Variants in SLCO1A2 observed in about 807,000 individuals in gnomAD.
SLCO1A2 encodes the protein solute carrier organic anion transporter family member 1A2.
A neutral mutation model predicts 69.0 loss-of-function variants in SLCO1A2; 67 were observed. The ratio of observed to expected loss-of-function variants is 0.97; its 90% CI spans 0.80 to 1.19. The LOEUF (loss-of-function observed/expected upper bound fraction) is 1.19, where lower values mean the gene tolerates loss of function less well. Among genes scored for constraint, SLCO1A2 ranks in the 50% most tolerant of loss-of-function variants. The pLI is 0.00. For missense variants in SLCO1A2, 787 were observed against 793.7 expected, an observed-to-expected ratio of 0.99 and a Z score of 0.10; for synonymous variants, 260 against 265.9, an observed-to-expected ratio of 0.98 and a Z score of 0.22.
Position 21,311,068 on chromosome 12 carries a change from T to C in SLCO1A2, c.335+3481A>G, listed in dbSNP as rs185282598. Among the ~76,000 whole-genome samples the C allele has an allele frequency of 5.3e-5, 8 of 152,324 alleles. No individual in the cohort carries two copies. The East Asian group carries it at 1.5e-3, about 29-fold the overall frequency. ...TCACAGGCTCTTCATCAGTAGTAGATTCCATCACAGGAAGCCACATTATTT... is the reference window on the plus strand; with the variant it reads ...TCACAGGCTCTTCATCAGTAGTAGACTCCATCACAGGAAGCCACATTATTT... On this transcript the variant is annotated intron_variant, in intron 4 of 14. Coordinates refer to ENST00000683939, the MANE Select transcript of SLCO1A2 (RefSeq NM_001386879.1).
At chr12:21,417,778 G>A (rs988277574) in intron 1 of SLCO1A2, 3 of 151,978 alleles carry the variant, frequency 2.0e-5, no homozygotes, top group African/African-American at 7.3e-5. Context: ...TTGGGAGAAT[G>A]GTCAAAACAC....
chr12:21,301,327 C>T, intron 6 of SLCO1A2, 58 bp from the exon 7 acceptor site: 2 of 1,151,818 alleles, frequency 1.7e-6, no homozygotes, highest in Non-Finnish European at 2.4e-6. Flanking sequence ...ATAAAGAGTT[C>T]TAGGTCTATG....
intron 2 of SLCO1A2, among the ~76,000 whole-genome samples, chr12:21,331,695 C>A (rs541219093): frequency 2.6e-5 from 4 of 151,800 alleles, no homozygotes; most frequent in South Asian, 4.1e-4. Context: ...TACCATCTTA[C>A]AGGCAGGAAA....
At chr12:21,277,465 C>T (rs543945855) in intron 12 of SLCO1A2, among the ~76,000 whole-genome samples, 1 of 149,340 alleles carries the variant, frequency 6.7e-6, no homozygotes, top group South Asian at 2.1e-4. Flanking sequence ...TCAGCACATT[C>T]AGAGCTGTGG....
intron 2 of SLCO1A2, among the ~76,000 whole-genome samples, chr12:21,323,037 T>C (rs1951836777): frequency 6.6e-6 from 1 of 152,138 alleles, no homozygotes; most frequent in Non-Finnish European, 1.5e-5. Context: ...AAAAGACTTA[T>C]AGCAAATTAA....
chr12:21,369,723 T>C (rs1939648764), intron 2 of SLCO1A2, among the ~76,000 whole-genome samples: 1 of 152,192 alleles, frequency 6.6e-6, no homozygotes, highest in Non-Finnish European at 1.5e-5. Context: ...GGCCTGAGAT[T>C]CTGCATTTCT....
chr12:21,401,749 C>T (rs923040183), intron 1 of SLCO1A2, among the ~76,000 whole-genome samples: 30 of 151,610 alleles, frequency 2.0e-4, no homozygotes, highest in Non-Finnish European at 4.0e-4. Flanking sequence ...ACATAGGATA[C>T]TAAAGCCTTC....
chr12:21,292,190 G>C lies in SLCO1A2; in HGVS notation c.1584C>G (p.Ala528=). 1.2e-6 allele frequency: 2 copies of C among 1,605,042 alleles called. No homozygotes were observed. The highest frequency in any genetic ancestry group is 1.7e-6 in the Non-Finnish European group (2 of 1,175,460). ...TCAAGAGAACCATATATCCAGGTATGGCAGCCAAAGAATAAATGAAACTGC... is the reference window on the plus strand; with the variant it reads ...TCAAGAGAACCATATATCCAGGTATCGCAGCCAAAGAATAAATGAAACTGC... The part of the protein sequence containing the change: ...AMSSFIYSLA[A]IPGYMVLLRC... The change falls in exon 12 of 15, where the codon GCC becomes GCG. Residue 528 remains alanine (A), a synonymous_variant. Coordinates refer to ENST00000683939, the MANE Select transcript of SLCO1A2 (RefSeq NM_001386879.1).
At chr12:21,392,890 T>TA in intron 1 of SLCO1A2, among the ~76,000 whole-genome samples, 1 of 152,316 alleles carries the variant, frequency 6.6e-6, no homozygotes, top group East Asian at 1.9e-4. Flanking sequence ...AAATGTATCT[T>TA]AAGTTTAGTC....
In SLCO1A2 at chr12:21,269,147, G is replaced by A. The variant is rs927950848; in HGVS notation, c.*401C>T. ...TATTTAAATCTTCACATAACAGAAT[G>A]AGAATTTAGGCATCTGAATAATTCC... On this transcript the variant is annotated 3_prime_UTR_variant, in exon 15 of 15. Coordinates refer to ENST00000683939, the MANE Select transcript of SLCO1A2 (RefSeq NM_001386879.1). 6.5e-6 allele frequency: 1 copy of A among 154,880 alleles called. No homozygotes were observed. Among genetic ancestry groups the A allele is most frequent in the African/African-American group, 2.4e-5 (1 of 41,460 alleles). 9.6% of individuals were successfully genotyped at this position (154,880 alleles called of 1,614,324 possible). A position where few individuals can be genotyped will look rare whatever the true frequency, so the allele number is the denominator to read the frequency against.
intron 2 of SLCO1A2, among the ~76,000 whole-genome samples, chr12:21,326,960 T>C (rs761048584): frequency 2.6e-5 from 4 of 152,264 alleles, no homozygotes; most frequent in African/African-American, 4.8e-5. Context: ...AAGCCAAATG[T>C]TAATCACCCA....
At chr12:21,367,047 A>T (rs1159303686) in intron 2 of SLCO1A2, among the ~76,000 whole-genome samples, 2 of 152,136 alleles carry the variant, frequency 1.3e-5, no homozygotes, top group Non-Finnish European at 2.9e-5. Flanking sequence ...ACCAAAGCAT[A>T]TCAGCCTGAA....
intron 1 of SLCO1A2, among the ~76,000 whole-genome samples, chr12:21,414,984 AT>A (rs1941967077): frequency 6.6e-6 from 1 of 151,928 alleles, no homozygotes; most frequent in South Asian, 2.1e-4. Context: ...CTTGGCTAAC[AT>A]TTGCCTGATG....
intron 12 of SLCO1A2, among the ~76,000 whole-genome samples, chr12:21,291,103 A>G (rs527706622): frequency 6.6e-6 from 1 of 152,206 alleles, no homozygotes; most frequent in Non-Finnish European, 1.5e-5. Flanking sequence ...TGACACATCA[A>G]TGAGCTATCA....
intron 4 of SLCO1A2, among the ~76,000 whole-genome samples, chr12:21,312,834 G>C (rs1223874759): frequency 2.6e-5 from 4 of 152,108 alleles, no homozygotes; most frequent in African/African-American, 9.7e-5. Context: ...AACATTTTGA[G>C]AGTCTGAGGC....
At position 21,275,432 on chromosome 12, in the gene SLCO1A2, G is replaced by A; in HGVS notation, c.1611-8C>T. On this transcript the variant is annotated splice_region_variant and splice_polypyrimidine_tract_variant and intron_variant, in intron 12 of 14. Transcript: ENST00000683939. ...TCTTCAGATTTCATACACCTGAAAAGTAAATAAGTTTGTAAATAAAAGAAA... is the reference window on the plus strand; with the variant it reads ...TCTTCAGATTTCATACACCTGAAAAATAAATAAGTTTGTAAATAAAAGAAA... The A allele has an allele frequency of 6.9e-7, 1 of 1,451,914 alleles. No homozygotes were observed. The highest frequency in any genetic ancestry group is 9.2e-7 in the Non-Finnish European group (1 of 1,085,488). The allele number at this position is 1,451,914 out of a possible 1,614,324, so 89.9% of individuals were successfully genotyped here. A position where few individuals can be genotyped will look rare whatever the true frequency, so the allele number is the denominator to read the frequency against.
chr12:21,312,389 AT>A (rs1265302944), intron 4 of SLCO1A2, among the ~76,000 whole-genome samples: 1 of 152,198 alleles, frequency 6.6e-6, no homozygotes, highest in Non-Finnish European at 1.5e-5. Context: ...GGCTGGCTTA[AT>A]CTTCTGTTCA....
chr12:21,351,471 T>C (rs1370571647), intron 2 of SLCO1A2, among the ~76,000 whole-genome samples: 4 of 152,146 alleles, frequency 2.6e-5, no homozygotes, highest in African/African-American at 4.8e-5. Flanking sequence ...ATAATACTTA[T>C]AAATACTACT....
At chr12:21,299,851 CGT>C (rs1265398808) in intron 8 of SLCO1A2, among the ~76,000 whole-genome samples, 2 of 124,446 alleles carry the variant, frequency 1.6e-5, no homozygotes. Flanking sequence ...TATATATATA[CGT>C]GTATATATAT....
Sources: gnomAD v4.1 joint callset for allele counts (sites outside exome capture counted in the v4.1 genomes callset) on GRCh38, gnomAD v4.1.1 for gene constraint, MANE v1.5 for transcripts, NCBI Gene and HGNC (gene_info 2026-07-23, HGNC 2026-07-21) for gene names.